Variants in NKAIN2 observed in about 807,000 individuals in gnomAD.
The protein encoded by NKAIN2 is sodium/potassium-transporting ATPase subunit beta-1-interacting protein 2.
A neutral mutation model predicts 32.6 loss-of-function variants in NKAIN2; 14 were observed. That is an observed-to-expected ratio of 0.43 (90% CI 0.28 to 0.67). The LOEUF is 0.67. NKAIN2 is among the 30% of genes least tolerant of loss of function. NKAIN2 has a pLI of 0.17. For synonymous variants in NKAIN2, 80 were observed against 87.2 expected, an observed-to-expected ratio of 0.92 and a Z score of 0.46; for missense variants, 198 against 258.3, an observed-to-expected ratio of 0.77 and a Z score of 1.60.
In NKAIN2 at chr6:124,658,383, C is replaced by T. The variant is rs1228019208; in HGVS notation, c.471C>T (p.Leu157=). ...CTCATAGTTCCCTCCAGATTGTCCT[C>T]GCAGTAAGTGTTGGCAGCCAACCGC... ...EVAHSSLQIV[L]ALAGFIYACY... is the part of the protein sequence containing the mutation. The change falls in exon 4 of 7, where the codon CTC becomes CTT. Residue 157 remains leucine (L), a synonymous_variant. Transcript: ENST00000368417. The T allele has an allele frequency of 7.4e-6, 12 of 1,614,062 alleles. No individual in the cohort carries two copies. Among genetic ancestry groups the T allele is most frequent in the South Asian group, 1.1e-5 (1 of 91,074 alleles).
At chr6:124,423,627 G>A (rs769956016) in intron 3 of NKAIN2, among the ~76,000 whole-genome samples, 3 of 152,186 alleles carry the variant, frequency 2.0e-5, no homozygotes, top group Non-Finnish European at 4.4e-5. Flanking sequence ...ACTTTAGAAG[G>A]TGATTAATTC....
chr6:124,070,243 T>C (rs1282670576), intron 1 of NKAIN2, among the ~76,000 whole-genome samples: 1 of 152,188 alleles, frequency 6.6e-6, no homozygotes, highest in African/African-American at 2.4e-5. Context: ...TCTGTTTTTG[T>C]CCAGAGCATG....
chr6:124,487,066 T>C (rs1326349399), intron 3 of NKAIN2, among the ~76,000 whole-genome samples: 1 of 152,124 alleles, frequency 6.6e-6, no homozygotes, highest in Non-Finnish European at 1.5e-5. Context: ...TTAAGGATGT[T>C]AAATTATTTG....
intron 1 of NKAIN2, among the ~76,000 whole-genome samples, chr6:123,997,400 C>T (rs1487730544): frequency 1.3e-5 from 2 of 152,030 alleles, no homozygotes; most frequent in East Asian, 3.9e-4. Context: ...TTATAACGTT[C>T]AAGTGGCCTC....
intron 3 of NKAIN2, among the ~76,000 whole-genome samples, chr6:124,427,004 G>A (rs1195127743): frequency 6.6e-6 from 1 of 152,116 alleles, no homozygotes; most frequent in East Asian, 1.9e-4. Context: ...CCCAGTCTCA[G>A]GCATGTCTTT....
At chr6:123,861,949 A>T (rs1316798882) in intron 1 of NKAIN2, among the ~76,000 whole-genome samples, 1 of 152,202 alleles carries the variant, frequency 6.6e-6, no homozygotes, top group Non-Finnish European at 1.5e-5. Context: ...ATACATGCAT[A>T]TGATAATTTG....
At chr6:124,280,429 G>A (rs535652401) in intron 1 of NKAIN2, among the ~76,000 whole-genome samples, 5 of 152,016 alleles carry the variant, frequency 3.3e-5, no homozygotes, top group Non-Finnish European at 7.4e-5. Flanking sequence ...AAAGGTAAGG[G>A]CATAGCAAAG....
chr6:124,616,437 C>CTTTTTTTTTTTTTTTTTTTTT (rs79406895), intron 3 of NKAIN2, among the ~76,000 whole-genome samples: 1 of 70,442 alleles, frequency 1.4e-5, no homozygotes, highest in African/African-American at 6.9e-5. Flanking sequence ...TCTTTTCTTT[C>CTTTTTTTTTTTTTTTTTTTTT]TTTTTTTTTT....
At chr6:124,122,939 C>T (rs1380316985) in intron 1 of NKAIN2, among the ~76,000 whole-genome samples, 3 of 152,044 alleles carry the variant, frequency 2.0e-5, no homozygotes, top group Non-Finnish European at 4.4e-5. Flanking sequence ...TAATTTAATA[C>T]ACTTGCTTGT....
intron 4 of NKAIN2, among the ~76,000 whole-genome samples, chr6:124,685,063 ATAC>A (rs1281830082): frequency 2.6e-5 from 4 of 152,300 alleles, no homozygotes; most frequent in South Asian, 2.1e-4. Context: ...AAATACATTC[ATAC>A]TACTATTTTT....
At chr6:124,258,146 A>G (rs547296166) in intron 1 of NKAIN2, among the ~76,000 whole-genome samples, 90 of 152,174 alleles carry the variant, frequency 5.9e-4, no homozygotes, top group African/African-American at 2.0e-3. Context: ...CAAGATTAAA[A>G]AAAAAAAAAA....
intron 1 of NKAIN2, among the ~76,000 whole-genome samples, chr6:123,987,937 G>A (rs1362494363): frequency 6.6e-6 from 1 of 152,194 alleles, no homozygotes; most frequent in African/African-American, 2.4e-5. Flanking sequence ...ATACAAAGGT[G>A]TGGGTCATTG....
chr6:124,450,155 C>T (rs1421121295), intron 3 of NKAIN2, among the ~76,000 whole-genome samples: 1 of 152,000 alleles, frequency 6.6e-6, no homozygotes, highest in African/African-American at 2.4e-5. Context: ...TTGTTTTCAT[C>T]CTTTCGTGTT....
At chr6:124,103,164 A>G (rs1784968279) in intron 1 of NKAIN2, among the ~76,000 whole-genome samples, 1 of 152,218 alleles carries the variant, frequency 6.6e-6, no homozygotes, top group Non-Finnish European at 1.5e-5. Flanking sequence ...TATGAAAGCA[A>G]ACTTTCAGAT....
chr6:123,880,894 G>A (rs1773422711), intron 1 of NKAIN2, among the ~76,000 whole-genome samples: 1 of 152,142 alleles, frequency 6.6e-6, no homozygotes, highest in Admixed American at 6.5e-5. Flanking sequence ...AACTAATTCA[G>A]AGATATTCTT....
intron 2 of NKAIN2, among the ~76,000 whole-genome samples, chr6:124,349,073 T>C (rs59267851): frequency 0.067 from 10,250 of 152,138 alleles, 469 homozygotes; most frequent in African/African-American, 0.11. Context: ...TTAGAACTGA[T>C]TATATTATTG....
At chr6:123,917,942 G>T (rs1775573987) in intron 1 of NKAIN2, among the ~76,000 whole-genome samples, 1 of 152,028 alleles carries the variant, frequency 6.6e-6, no homozygotes, top group Admixed American at 6.6e-5. Flanking sequence ...TTTGTAAGCT[G>T]GGAGTTAAAC....
intron 3 of NKAIN2, among the ~76,000 whole-genome samples, chr6:124,489,462 C>G (rs1226722958): frequency 6.6e-6 from 1 of 151,856 alleles, no homozygotes; most frequent in African/African-American, 2.4e-5. Context: ...AATAACTCAT[C>G]ATAAGTTGAA....
At chr6:124,176,492 A>G (rs978403934) in intron 1 of NKAIN2, among the ~76,000 whole-genome samples, 1 of 152,140 alleles carries the variant, frequency 6.6e-6, no homozygotes, top group African/African-American at 2.4e-5. Context: ...TGCTTTGGCT[A>G]AAACTTCCAG....
Sources: gnomAD v4.1 joint callset for allele counts (sites outside exome capture counted in the v4.1 genomes callset) on GRCh38, gnomAD v4.1.1 for gene constraint, MANE v1.5 for transcripts, NCBI Gene and HGNC (gene_info 2026-07-23, HGNC 2026-07-21) for gene names.